TUT4: variants seen among roughly 807,000 people sequenced by gnomAD.
TUT4 encodes the protein terminal uridylyltransferase 4.
In TUT4, 36 loss-of-function variants were observed where a neutral mutation model predicts 192.2. That is an observed-to-expected ratio of 0.19 (90% CI 0.14 to 0.25). The LOEUF (loss-of-function observed/expected upper bound fraction) is 0.25. TUT4 is among the 10% of genes least tolerant of loss of function. The probability of loss-of-function intolerance (pLI) is 1.00; values close to 1 mark genes in which losing one functional copy is unlikely to be tolerated. For synonymous variants in TUT4, 618 were observed against 666.0 expected (o/e 0.93, Z 1.11); for missense variants, 1,493 against 1,957.2 (o/e 0.76, Z 4.47).
intron 15 of TUT4, among the ~76,000 whole-genome samples, chr1:52,467,180 A>G (rs542160024): frequency 6.6e-6 from 1 of 152,182 alleles, no homozygotes; most frequent in African/African-American, 2.4e-5. Flanking sequence ...TTTTTAATTT[A>G]AAAAATATTT....
intron 26 of TUT4, 106 bp from the exon 27 acceptor site, chr1:52,435,571 A>G: frequency 1.2e-6 from 1 of 854,102 alleles, no homozygotes; most frequent in Non-Finnish European, 1.8e-6. Flanking sequence ...TATCTCTGCA[A>G]TTTTATAAAC....
intron 24 of TUT4, among the ~76,000 whole-genome samples, chr1:52,441,781 A>T (rs1259415571): frequency 6.6e-6 from 1 of 152,124 alleles, no homozygotes; most frequent in Admixed American, 6.6e-5. Flanking sequence ...GTGTACAGCT[A>T]CCCAAGGACA....
Position 52,431,347 on chromosome 1 carries a change from T to C in TUT4, c.4377A>G (p.Pro1459=). ...SQPGSQPKLG[P]PQQGAQPPHQ... is the part of the protein sequence containing the mutation. ...GGGGAGGTTGGGCTCCCTGCTGAGGTGGGCCAAGCTTAGGTTGGGATCCTG... is the reference window on the plus strand; with the variant it reads ...GGGGAGGTTGGGCTCCCTGCTGAGGCGGGCCAAGCTTAGGTTGGGATCCTG... The change falls in exon 28 of 30, where the codon CCA becomes CCG. Residue 1459 remains proline, a synonymous_variant. Coordinates refer to ENST00000257177, the MANE Select transcript of TUT4 (RefSeq NM_001009881.3). 6.2e-7 allele frequency: 1 copy of C among 1,613,994 alleles called. No homozygotes were observed. The highest frequency in any genetic ancestry group is 8.5e-7 in the Non-Finnish European group (1 of 1,179,982).
At chr1:52,531,819 A>T (rs1278280626) in intron 1 of TUT4, among the ~76,000 whole-genome samples, 1 of 149,192 alleles carries the variant, frequency 6.7e-6, no homozygotes, top group East Asian at 2.0e-4. Context: ...TTCTCACAGC[A>T]CTTAGCACTT....
chr1:52,520,285 G>A (rs1010628761), intron 2 of TUT4, among the ~76,000 whole-genome samples: 1 of 152,132 alleles, frequency 6.6e-6, no homozygotes, highest in African/African-American at 2.4e-5. Context: ...TTACTCTGAT[G>A]GATGGAAAGC....
At chr1:52,442,357 A>G (rs1655909850) in intron 24 of TUT4, among the ~76,000 whole-genome samples, 1 of 152,200 alleles carries the variant, frequency 6.6e-6, no homozygotes, top group Non-Finnish European at 1.5e-5. Flanking sequence ...ACTTATCTTT[A>G]TCTTTCATTA....
At chr1:52,458,509 T>C (rs1275916569) in intron 19 of TUT4, 60 bp from the exon 20 acceptor site, 10 of 1,271,124 alleles carry the variant, frequency 7.9e-6, no homozygotes, top group Non-Finnish European at 1.1e-5. Flanking sequence ...AGAAGTATAT[T>C]AAACATTCTG....
intron 20 of TUT4, among the ~76,000 whole-genome samples, chr1:52,458,049 C>T (rs1661471851): frequency 6.6e-6 from 1 of 152,166 alleles, no homozygotes; most frequent in Non-Finnish European, 1.5e-5. Context: ...TGGCTGGCTA[C>T]AAGAACTTCA....
At chr1:52,533,281 T>C (rs1379839650) in intron 1 of TUT4, among the ~76,000 whole-genome samples, 1 of 152,260 alleles carries the variant, frequency 6.6e-6, no homozygotes, top group Non-Finnish European at 1.5e-5. Context: ...TATTACTGGA[T>C]CTAGCTTTTG....
chr1:52,449,548 C>T (rs1450976579), intron 20 of TUT4, among the ~76,000 whole-genome samples: 1 of 152,190 alleles, frequency 6.6e-6, no homozygotes, highest in Non-Finnish European at 1.5e-5. Context: ...AATCTACCCC[C>T]CTCGGCCGCC....
At position 52,489,001 on chromosome 1, in the gene TUT4, T is replaced by C. The variant is rs577065671; in HGVS notation, c.1423A>G (p.Met475Val). Residue 475 changes from methionine to valine, a missense_variant, in exon 9 of 30, where the codon ATG becomes GTG. Met to Val is a conservative substitution (Grantham distance 21). Coordinates refer to ENST00000257177, the MANE Select transcript of TUT4 (RefSeq NM_001009881.3). ...LLCRVSAGND[M>V]ACLTTDLLTA... ...AGTAAATCAGTAGTGAGACATGCCATATCGTTTCCTGCACTCACTCTACAA... is the reference window on the plus strand; with the variant it reads ...AGTAAATCAGTAGTGAGACATGCCACATCGTTTCCTGCACTCACTCTACAA... 1.2e-6 allele frequency: 2 copies of C among 1,613,652 alleles called. No homozygotes were observed. The highest frequency in any genetic ancestry group is 2.7e-5 in the African/African-American group (2 of 75,016).
intron 19 of TUT4, 55 bp downstream of exon 19, chr1:52,461,079 A>T: frequency 7.1e-7 from 1 of 1,407,876 alleles, no homozygotes; most frequent in Non-Finnish European, 9.6e-7. Context: ...GACATTAGTT[A>T]TGTTTCATTT....
In TUT4 at chr1:52,515,741, A is replaced by T. The variant is rs535644788; in HGVS notation, c.882+150T>A. 163 of 844,424 alleles carry T rather than the reference A, an allele frequency of 1.9e-4. 1 individual carries two copies. The South Asian group carries it at 2.4e-3, about 13-fold the overall frequency. 52.3% of individuals were successfully genotyped at this position (844,424 alleles called of 1,614,324 possible). A position where few individuals can be genotyped will look rare whatever the true frequency, so the allele number is the denominator to read the frequency against. On this transcript the variant is annotated intron_variant, in intron 3 of 29. Coordinates refer to ENST00000257177, the MANE Select transcript of TUT4 (RefSeq NM_001009881.3). ...AGAGAGGCAAGGAAGAAAAGAGGGA[A>T]AGAAGAAGAAAGGTAGAGAAGAGGG...
At chr1:52,479,029 G>A (rs568767613) in intron 11 of TUT4, among the ~76,000 whole-genome samples, 2 of 152,282 alleles carry the variant, frequency 1.3e-5, no homozygotes, top group East Asian at 3.9e-4. Flanking sequence ...AAAAGGATGG[G>A]AGTGTGGAAG....
At chr1:52,548,440 G>T (rs1170671739) in intron 1 of TUT4, among the ~76,000 whole-genome samples, 1 of 151,924 alleles carries the variant, frequency 6.6e-6, no homozygotes, top group African/African-American at 2.4e-5. Flanking sequence ...ACAAAATTTT[G>T]ACACCCTAAA....
chr1:52,532,531 G>A (rs575586351), intron 1 of TUT4, among the ~76,000 whole-genome samples: 2 of 151,944 alleles, frequency 1.3e-5, no homozygotes, highest in Admixed American at 6.6e-5. Flanking sequence ...AGGCTGTCTC[G>A]AACTCCTGGG....
At chr1:52,484,918 A>G (rs1669413659) in intron 9 of TUT4, among the ~76,000 whole-genome samples, 1 of 152,184 alleles carries the variant, frequency 6.6e-6, no homozygotes, top group African/African-American at 2.4e-5. Flanking sequence ...TCTTTTCCTG[A>G]CCATTCAGAG....
chr1:52,482,041 T>C, intron 9 of TUT4, 118 bp from the exon 10 acceptor site: 1 of 770,292 alleles, frequency 1.3e-6, no homozygotes, highest in Non-Finnish European at 1.8e-6. Context: ...ATGAAAAATA[T>C]AAGGAATAAC....
In TUT4 at chr1:52,495,437, A is replaced by T; in HGVS notation, c.1256T>A (p.Phe419Tyr). ...ATTCTAATTACTTACCTTGGGAGGA[A>T]ATTTTATATCTATATTAACATCACT... ...KSSDVNIDIK[F>Y]PPKMNHPDLL... Residue 419 changes from phenylalanine to tyrosine, a missense_variant, in exon 6 of 30, where the codon TTT (phenylalanine) becomes TAT (tyrosine). Physicochemically the swap from Phe to Tyr is conservative, Grantham distance 22 (BLOSUM62 3). Transcript: ENST00000257177. 6.2e-7 allele frequency: 1 copy of T among 1,603,698 alleles called. No individual in the cohort carries two copies. The highest frequency in any genetic ancestry group is 8.5e-7 in the Non-Finnish European group (1 of 1,173,286).
Sources: allele counts gnomAD v4.1 joint callset (sites outside exome capture counted in the v4.1 genomes callset), GRCh38; gene constraint gnomAD v4.1.1; transcripts MANE v1.5; gene names NCBI Gene and HGNC (gene_info 2026-07-23, HGNC 2026-07-21).